Variants in UNC5C observed in about 807,000 individuals in gnomAD.
UNC5C encodes the protein unc-5 netrin receptor C, also known as netrin receptor UNC5C.
In UNC5C, 47 loss-of-function variants were observed where a neutral mutation model predicts 99.8. That is an observed-to-expected ratio of 0.47 (90% CI 0.37 to 0.60). UNC5C has a LOEUF of 0.60. UNC5C is among the 20% of genes least tolerant of loss of function. The pLI, the probability that UNC5C is intolerant of heterozygous loss-of-function variation, is 0.00. For missense variants in UNC5C, 1,062 were observed against 1,165.9 expected (o/e 0.91, Z 1.30); for synonymous variants, 487 against 452.2 (o/e 1.08, Z -0.98).
At chr4:95,523,567 GGAGA>G (rs1008795081) in intron 1 of UNC5C, among the ~76,000 whole-genome samples, 1 of 151,638 alleles carries the variant, frequency 6.6e-6, no homozygotes, top group Non-Finnish European at 1.5e-5. Context: ...TACTAGAGAG[GGAGA>G]GAGAGAAAAA....
intron 1 of UNC5C, among the ~76,000 whole-genome samples, chr4:95,463,836 C>G (rs566265329): frequency 6.6e-6 from 1 of 152,082 alleles, no homozygotes; most frequent in African/African-American, 2.4e-5. Context: ...ACAGGTCTTG[C>G]CCCCTAGGAA....
intron 1 of UNC5C, among the ~76,000 whole-genome samples, chr4:95,444,929 C>T (rs1747053862): frequency 6.6e-6 from 1 of 152,062 alleles, no homozygotes; most frequent in South Asian, 2.1e-4. Context: ...TGAAGAGCCA[C>T]TTTTGGTAGA....
At chr4:95,538,754 G>T (rs1722842002) in intron 1 of UNC5C, among the ~76,000 whole-genome samples, 1 of 152,096 alleles carries the variant, frequency 6.6e-6, no homozygotes, top group African/African-American at 2.4e-5. Flanking sequence ...TTTATATATT[G>T]ATGTATTATG....
chr4:95,517,639 C>T (rs968669488), intron 1 of UNC5C, among the ~76,000 whole-genome samples: 1 of 152,032 alleles, frequency 6.6e-6, no homozygotes, highest in African/African-American at 2.4e-5. Flanking sequence ...CAACCCTGTA[C>T]TGAAATAAAG....
rs946892641 is a variant in UNC5C at position 95,169,045 on chromosome 4, C to T, written c.*189G>A. 40 of 642,942 alleles carry T rather than the reference C, an allele frequency of 6.2e-5. No homozygotes were observed. The highest frequency in any genetic ancestry group is 4.4e-4 in the Middle Eastern group (1 of 2,286). The allele number at this position is 642,942 out of a possible 1,614,324, so 39.8% of individuals were successfully genotyped here. A position where few individuals can be genotyped will look rare whatever the true frequency, so the allele number is the denominator to read the frequency against. On this transcript the variant is annotated 3_prime_UTR_variant, in exon 16 of 16. Coordinates refer to ENST00000453304, the MANE Select transcript of UNC5C (RefSeq NM_003728.4). ...AATTTACACAATTTTTCTTAACTCC[C>T]GTGATGATGTCCGAGTAAAGTGGGC...
chr4:95,305,824 T>C (rs887855022), intron 2 of UNC5C, among the ~76,000 whole-genome samples: 5 of 152,200 alleles, frequency 3.3e-5, no homozygotes, highest in Non-Finnish European at 7.3e-5. Flanking sequence ...CAAATGAATA[T>C]AGAAATTCAG....
At chr4:95,545,631 T>A (rs1020710457) in intron 1 of UNC5C, among the ~76,000 whole-genome samples, 3 of 152,174 alleles carry the variant, frequency 2.0e-5, no homozygotes, top group Non-Finnish European at 4.4e-5. Context: ...TTGTCCTGAG[T>A]TTGGTGGTGT....
chr4:95,216,169 C>T lies in UNC5C; in HGVS notation c.1688G>A (p.Arg563Lys). 1 of 1,613,810 alleles carries T rather than the reference C, an allele frequency of 6.2e-7. No individual in the cohort carries two copies. The highest frequency in any genetic ancestry group is 1.6e-4 in the Middle Eastern group (1 of 6,062). Residue 563 changes from arginine (R) to lysine (K), a missense_variant, in exon 10 of 16, where the codon AGA becomes AAA. Coordinates refer to ENST00000453304, the MANE Select transcript of UNC5C (RefSeq NM_003728.4). The stretch of plus-strand genomic sequence containing the variant: ...TACAGTCACATACATTTCGTAGACT[C>T]TCCCTTGGGGAATGGCCCCAGCGGG... The part of the protein sequence containing the change: ...LIPAGAIPQG[R>K]VYEMYVTVHR...
chr4:95,182,341 C>G (rs1314927041), intron 14 of UNC5C, among the ~76,000 whole-genome samples: 6 of 152,126 alleles, frequency 3.9e-5, no homozygotes, highest in Non-Finnish European at 7.3e-5. Flanking sequence ...AAGTGTATCT[C>G]TCTTTATATT....
At chr4:95,483,924 G>A (rs76097411) in intron 1 of UNC5C, among the ~76,000 whole-genome samples, 1,726 of 151,880 alleles carry the variant, frequency 0.011, 34 homozygotes, top group African/African-American at 0.039. Context: ...AGTTTTTAGG[G>A]CATTTCATTC....
At chr4:95,494,508 T>C (rs1721580179) in intron 1 of UNC5C, among the ~76,000 whole-genome samples, 1 of 151,494 alleles carries the variant, frequency 6.6e-6, no homozygotes, top group African/African-American at 2.4e-5. Context: ...CAGAATTCAA[T>C]GCTTTTATAG....
chr4:95,166,437 C>G lies in UNC5C; in HGVS notation c.*2797G>C, dbSNP rs1291846523. 1 of 152,208 alleles carries G rather than the reference C, an allele frequency of 6.6e-6. No individual in the cohort carries two copies. Among genetic ancestry groups the G allele is most frequent in the Non-Finnish European group, 1.5e-5 (1 of 68,042 alleles). 9.4% of individuals were successfully genotyped at this position (152,208 alleles called of 1,614,324 possible). ...TGAGTACCTCACACACGAAATCAATCACTTTTCCCTTTTCTGGTGGTGGGA... is the reference window on the plus strand; with the variant it reads ...TGAGTACCTCACACACGAAATCAATGACTTTTCCCTTTTCTGGTGGTGGGA... On this transcript the variant is annotated 3_prime_UTR_variant, in exon 16 of 16. Coordinates refer to ENST00000453304, the MANE Select transcript of UNC5C (RefSeq NM_003728.4).
chr4:95,405,146 G>A (rs774008608), intron 1 of UNC5C, among the ~76,000 whole-genome samples: 1 of 152,192 alleles, frequency 6.6e-6, no homozygotes, highest in African/African-American at 2.4e-5. Context: ...TTGCAAAAAG[G>A]CAGAGCGTCC....
intron 1 of UNC5C, among the ~76,000 whole-genome samples, chr4:95,445,606 T>C (rs890280469): frequency 1.3e-5 from 2 of 152,194 alleles, no homozygotes; most frequent in African/African-American, 2.4e-5. Flanking sequence ...TTTATTGGTT[T>C]GGCAATAATA....
At chr4:95,237,738 T>A (rs1254343146) in intron 7 of UNC5C, among the ~76,000 whole-genome samples, 2 of 152,236 alleles carry the variant, frequency 1.3e-5, no homozygotes, top group East Asian at 3.9e-4. Flanking sequence ...AAGCCATTAA[T>A]TGGACATGTT....
At chr4:95,405,263 C>G (rs1447402182) in intron 1 of UNC5C, among the ~76,000 whole-genome samples, 1 of 152,166 alleles carries the variant, frequency 6.6e-6, no homozygotes, top group Non-Finnish European at 1.5e-5. Context: ...AGAGCTGGAG[C>G]CCAAAGTACT....
At chr4:95,261,386 A>AC (rs1740220859) in intron 4 of UNC5C, among the ~76,000 whole-genome samples, 1 of 152,178 alleles carries the variant, frequency 6.6e-6, no homozygotes, top group Non-Finnish European at 1.5e-5. Context: ...AAGCCTCCTT[A>AC]CCCTCCAAAA....
At chr4:95,205,061 C>T (rs575464899) in intron 11 of UNC5C, among the ~76,000 whole-genome samples, 1 of 152,246 alleles carries the variant, frequency 6.6e-6, no homozygotes, top group African/African-American at 2.4e-5. Flanking sequence ...CCTCCGGTAT[C>T]CCCTAGTGGT....
chr4:95,279,679 T>G (rs1320017503), intron 3 of UNC5C, among the ~76,000 whole-genome samples: 1 of 152,184 alleles, frequency 6.6e-6, no homozygotes, highest in East Asian at 1.9e-4. Flanking sequence ...TGAATTTTAA[T>G]AAAAAATTAA....
Sources: allele counts gnomAD v4.1 joint callset (sites outside exome capture counted in the v4.1 genomes callset), GRCh38; gene constraint gnomAD v4.1.1; transcripts MANE v1.5; gene names NCBI Gene and HGNC (gene_info 2026-07-23, HGNC 2026-07-21).